NUBPL: variants seen among roughly 807,000 people sequenced by gnomAD.
NUBPL encodes the protein iron-sulfur cluster transfer protein NUBPL.
In NUBPL, 31 loss-of-function variants were observed where a neutral mutation model predicts 45.7. The ratio of observed to expected loss-of-function variants is 0.68; its 90% CI spans 0.51 to 0.92. The LOEUF is 0.92. NUBPL is among the 40% of genes least tolerant of loss of function. The pLI is 0.00. For synonymous variants in NUBPL, 144 were observed against 140.9 expected (o/e 1.02, Z -0.15); for missense variants, 401 against 398.7 (o/e 1.01, Z -0.05).
chr14:31,638,344 A>C (rs973972202), intron 4 of NUBPL, among the ~76,000 whole-genome samples: 1 of 151,504 alleles, frequency 6.6e-6, no homozygotes, highest in Non-Finnish European at 1.5e-5. Flanking sequence ...TCCTTCACTT[A>C]TGAAGCTTAG....
At chr14:31,569,627 T>C (rs1331047500) in intron 3 of NUBPL, among the ~76,000 whole-genome samples, 1 of 152,234 alleles carries the variant, frequency 6.6e-6, no homozygotes. Context: ...TCATGTGTAC[T>C]ATGCATATAA....
intron 10 of NUBPL, among the ~76,000 whole-genome samples, chr14:31,858,476 A>T (rs1283261969): frequency 3.3e-5 from 5 of 152,368 alleles, no homozygotes; most frequent in African/African-American, 1.2e-4. Flanking sequence ...TGCAAATATC[A>T]TTACCATGCA....
chr14:31,765,018 C>T (rs796874192), intron 6 of NUBPL, among the ~76,000 whole-genome samples: 3 of 152,140 alleles, frequency 2.0e-5, no homozygotes, highest in South Asian at 2.1e-4. Context: ...ATTTAGTTCT[C>T]ACTAGGACAC....
intron 6 of NUBPL, among the ~76,000 whole-genome samples, chr14:31,777,297 C>T (rs928992866): frequency 1.3e-5 from 2 of 152,202 alleles, no homozygotes; most frequent in African/African-American, 2.4e-5. Context: ...TGGTTGACTA[C>T]CTGCTCCAGG....
chr14:31,597,363 G>A (rs1037253331), intron 3 of NUBPL, among the ~76,000 whole-genome samples: 4 of 152,120 alleles, frequency 2.6e-5, no homozygotes, highest in Non-Finnish European at 5.9e-5. Context: ...TCTTACCGTA[G>A]CAAATGTTAG....
intron 4 of NUBPL, among the ~76,000 whole-genome samples, chr14:31,623,697 C>T (rs2035129646): frequency 6.6e-6 from 1 of 152,132 alleles, no homozygotes; most frequent in South Asian, 2.1e-4. Flanking sequence ...TCAATTAAAC[C>T]TCTTTTCTTT....
chr14:31,828,528 G>C (rs2040139940), intron 8 of NUBPL, among the ~76,000 whole-genome samples: 2 of 152,166 alleles, frequency 1.3e-5, no homozygotes, highest in Admixed American at 6.5e-5. Context: ...AGGGTGTTCA[G>C]CTCACCCAAA....
At chr14:31,643,358 A>ATG (rs2035759421) in intron 4 of NUBPL, among the ~76,000 whole-genome samples, 1 of 152,176 alleles carries the variant, frequency 6.6e-6, no homozygotes, top group East Asian at 1.9e-4. Flanking sequence ...TTTTATCATA[A>ATG]AGGGATGTTG....
rs2040512778 is a variant in NUBPL at position 31,850,017 on chromosome 14, A to AG, written c.815-102_815-101insG. Reference sequence around the variant, plus strand: ...ATTAGAAGATAGTCAATTTGAATCAATTTAGTTCCGATTTTGTTTCTTTCC... The same window carrying AG: ...ATTAGAAGATAGTCAATTTGAATCAAGTTTAGTTCCGATTTTGTTTCTTTCC... On this transcript the variant is annotated intron_variant, in intron 9 of 10. Coordinates refer to ENST00000281081, the MANE Select transcript of NUBPL (RefSeq NM_025152.3). 1.2e-5 allele frequency: 10 copies of AG among 829,758 alleles called. No homozygotes were observed. In the East Asian group the frequency reaches 2.5e-4, roughly 21 times the overall value. The allele number at this position is 829,758 out of a possible 1,614,324, so 51.4% of individuals were successfully genotyped here. A position where few individuals can be genotyped will look rare whatever the true frequency, so the allele number is the denominator to read the frequency against.
chr14:31,591,973 G>A (rs2034154176), intron 3 of NUBPL, among the ~76,000 whole-genome samples: 1 of 152,172 alleles, frequency 6.6e-6, no homozygotes, highest in African/African-American at 2.4e-5. Flanking sequence ...AACATCCCAA[G>A]TAAGTTAAAT....
intron 7 of NUBPL, among the ~76,000 whole-genome samples, chr14:31,789,194 C>T (rs61994403): frequency 1.5e-3 from 234 of 151,986 alleles, no homozygotes; most frequent in Admixed American, 3.5e-3. Flanking sequence ...GGTGTGGTGG[C>T]GGGCACCTGT....
At chr14:31,638,775 G>T (rs1332035923) in intron 4 of NUBPL, among the ~76,000 whole-genome samples, 1 of 152,116 alleles carries the variant, frequency 6.6e-6, no homozygotes, top group Non-Finnish European at 1.5e-5. Flanking sequence ...TCTCTTGAAG[G>T]CTTTGTTCGT....
At chr14:31,832,619 AT>A in intron 8 of NUBPL, among the ~76,000 whole-genome samples, 1 of 152,336 alleles carries the variant, frequency 6.6e-6, no homozygotes, top group Middle Eastern at 3.4e-3. Context: ...ACAGATTTTT[AT>A]TACCACTTAG....
At chr14:31,829,923 T>C (rs1455675948) in intron 8 of NUBPL, among the ~76,000 whole-genome samples, 1 of 152,164 alleles carries the variant, frequency 6.6e-6, no homozygotes, top group Non-Finnish European at 1.5e-5. Context: ...TTAAACAAAA[T>C]AAAAATTTTC....
chr14:31,745,282 A>G (rs191399924), intron 6 of NUBPL, among the ~76,000 whole-genome samples: 5 of 151,760 alleles, frequency 3.3e-5, no homozygotes, highest in South Asian at 4.2e-4. Flanking sequence ...ATTCCCACCT[A>G]TGATTGAGAA....
intron 4 of NUBPL, among the ~76,000 whole-genome samples, chr14:31,629,605 A>G (rs1289199172): frequency 6.6e-6 from 1 of 152,208 alleles, no homozygotes; most frequent in African/African-American, 2.4e-5. Context: ...ATATAGCAGT[A>G]TAATGTATTT....
At chr14:31,677,408 AG>A (rs1233679686) in intron 6 of NUBPL, among the ~76,000 whole-genome samples, 1 of 151,578 alleles carries the variant, frequency 6.6e-6, no homozygotes, top group Non-Finnish European at 1.5e-5. Flanking sequence ...TTTAATTTTT[AG>A]GTACCACAGA....
At chr14:31,750,178 A>AT (rs34645652) in intron 6 of NUBPL, among the ~76,000 whole-genome samples, 6,006 of 126,490 alleles carry the variant, frequency 0.047, 424 homozygotes, top group African/African-American at 0.15. Context: ...CATTATTATT[A>AT]TTTTTTTTTT....
At chr14:31,743,767 A>G (rs193174954) in intron 6 of NUBPL, among the ~76,000 whole-genome samples, 201 of 152,236 alleles carry the variant, frequency 1.3e-3, no homozygotes, top group African/African-American at 4.2e-3. Context: ...AAAGTTTACC[A>G]CTAGAGAGAA....
Sources: gnomAD v4.1 joint callset for allele counts (sites outside exome capture counted in the v4.1 genomes callset) on GRCh38, gnomAD v4.1.1 for gene constraint, MANE v1.5 for transcripts, NCBI Gene and HGNC (gene_info 2026-07-23, HGNC 2026-07-21) for gene names.